INPP5D: variants seen among roughly 807,000 people sequenced by gnomAD.
INPP5D encodes phosphatidylinositol 3,4,5-trisphosphate 5-phosphatase 1.
INPP5D carries 33 observed loss-of-function variants against 122.9 expected under a neutral mutation model. That is an observed-to-expected ratio of 0.27 (90% CI 0.20 to 0.36). The LOEUF is 0.36. Ranked by LOEUF, INPP5D falls within the 10% of genes least tolerant of loss-of-function variation. INPP5D has a pLI of 1.00. For synonymous variants in INPP5D, 584 were observed against 576.2 expected (o/e 1.01, Z -0.19); for missense variants, 1,053 against 1,412.7 (o/e 0.75, Z 4.08).
At chr2:233,071,883 GT>G (rs1691391585) in intron 1 of INPP5D, among the ~76,000 whole-genome samples, 1 of 152,036 alleles carries the variant, frequency 6.6e-6, no homozygotes, top group South Asian at 2.1e-4. Context: ...ATTTCAAATT[GT>G]TTTTTGGTTG....
In INPP5D at chr2:233,206,533, AC is replaced by A. The variant is rs1440052039; in HGVS notation, c.3568-172del. 1.3e-5 allele frequency among the ~76,000 whole-genome samples: 2 copies of A among 152,154 alleles called. No individual in the cohort carries two copies. Among genetic ancestry groups the A allele is most frequent in the Non-Finnish European group, 1.5e-5 (1 of 68,014 alleles). On this transcript the variant is annotated intron_variant, in intron 26 of 26. Transcript: ENST00000445964. This position sits in a 1 kb window ranked among gnomAD's most constrained non-coding sequence, Gnocchi z 4.0. ...CAGAGTAAGACCCCATTTCTAAAAA[AC>A]AATTTTTTTAAATAAGCAGGTAAAG...
rs377044667 is a variant in INPP5D, at chr2:233,093,764, C to T, written c.198+14366C>T. ...GTTAGAGATGGTAGAGATGGACAGT[C>T]TTCAATTTTGGGGTGAAAAGATTTG... On this transcript the variant is annotated intron_variant, in intron 2 of 26. Transcript: ENST00000445964. Among the ~76,000 whole-genome samples the T allele has an allele frequency of 5.9e-5, 9 of 151,976 alleles. No homozygotes were observed. In the East Asian group the frequency reaches 7.7e-4, roughly 13 times the overall value.
rs576089206 is a variant in INPP5D at position 233,126,812 on chromosome 2, C to T, written c.524+893C>T. Among the ~76,000 whole-genome samples, 162 of 151,926 alleles carry T rather than the reference C, an allele frequency of 1.1e-3. 1 individual carries two copies. Among genetic ancestry groups the T allele is most frequent in the Non-Finnish European group, 2.1e-3 (143 of 67,962 alleles). ...GCGGGCGCCTATAATCCCAGCTATT[C>T]GGGAGGCTGAGGGAGGAGAATAGCT... On this transcript the variant is annotated intron_variant, in intron 4 of 26. Coordinates refer to ENST00000445964, the MANE Select transcript of INPP5D (RefSeq NM_001017915.3).
At chr2:233,133,863 C>A in intron 5 of INPP5D, 2 of 413,138 alleles carry the variant, frequency 4.8e-6, no homozygotes, top group Non-Finnish European at 4.9e-6. Flanking sequence ...AGGAAGGTGG[C>A]TAGCAGGGGC....
chr2:233,195,521 G>C (rs1438970306), intron 24 of INPP5D, 26 bp downstream of exon 24: 1 of 1,574,938 alleles, frequency 6.3e-7, no homozygotes, highest in East Asian at 2.4e-5. Flanking sequence ...GGTGGGTGTT[G>C]GGGGGGGTGG....
At chr2:233,186,228 C>T (rs1332568995) in intron 21 of INPP5D, among the ~76,000 whole-genome samples, 2 of 152,150 alleles carry the variant, frequency 1.3e-5, no homozygotes, top group Non-Finnish European at 2.9e-5. Flanking sequence ...AACTCAGGTG[C>T]AGGGCCAAGC....
intron 18 of INPP5D, among the ~76,000 whole-genome samples, chr2:233,178,455 T>G (rs1005067550): frequency 2.0e-5 from 3 of 146,446 alleles, no homozygotes; most frequent in African/African-American, 7.7e-5. Flanking sequence ...AATTGTGGTA[T>G]TTTATTATTT....
chr2:233,141,912 T>A (rs1693638961), intron 6 of INPP5D, among the ~76,000 whole-genome samples: 1 of 152,240 alleles, frequency 6.6e-6, no homozygotes, highest in African/African-American at 2.4e-5. Flanking sequence ...ATTTGTATTT[T>A]ACTTGTGCAA....
intron 10 of INPP5D, among the ~76,000 whole-genome samples, chr2:233,159,514 A>G (rs1457704125): frequency 1.3e-5 from 2 of 148,682 alleles, no homozygotes; most frequent in African/African-American, 2.5e-5. Flanking sequence ...CCTGTGCAAG[A>G]TGGTGAGACC....
intron 25 of INPP5D, among the ~76,000 whole-genome samples, chr2:233,200,868 C>G (rs759377733): frequency 3.3e-5 from 5 of 151,794 alleles, no homozygotes; most frequent in Non-Finnish European, 7.4e-5. Flanking sequence ...CTCTGAGACA[C>G]GAGAATCGCT....
At chr2:233,127,351 G>A (rs149964745) in intron 4 of INPP5D, among the ~76,000 whole-genome samples, 241 of 152,334 alleles carry the variant, frequency 1.6e-3, no homozygotes, top group African/African-American at 4.5e-3. Flanking sequence ...ACACAGAGCC[G>A]CCCTCCATTC....
At chr2:233,146,803 G>A (rs1441839206) in intron 8 of INPP5D, among the ~76,000 whole-genome samples, 1 of 152,120 alleles carries the variant, frequency 6.6e-6, no homozygotes, top group Non-Finnish European at 1.5e-5. Flanking sequence ...TGCGATTCCT[G>A]TGATTTCCAT....
chr2:233,184,282 C>T (rs1338133432), intron 19 of INPP5D, 126 bp from the exon 20 acceptor site: 19 of 1,351,002 alleles, frequency 1.4e-5, no homozygotes, highest in Non-Finnish European at 1.9e-5. Flanking sequence ...TTTAGTTCTC[C>T]TCCCACTAGA....
intron 17 of INPP5D, chr2:233,171,371 TC>T: frequency 3.6e-6 from 2 of 550,764 alleles, no homozygotes; most frequent in Non-Finnish European, 5.9e-6. Flanking sequence ...TTACCTTCTG[TC>T]CAGATACTCT....
chr2:233,094,216 G>A (rs1692068514), intron 2 of INPP5D, among the ~76,000 whole-genome samples: 1 of 151,912 alleles, frequency 6.6e-6, no homozygotes, highest in Non-Finnish European at 1.5e-5. Context: ...TTATCCCGAT[G>A]TTTAAAAACT....
In INPP5D at chr2:233,204,213, G is replaced by C. The variant is rs753276363; in HGVS notation, c.3063G>C (p.Leu1021=). The change falls in exon 26 of 27, where the codon CTG becomes CTC. Residue 1021 remains leucine, a synonymous_variant. Coordinates refer to ENST00000445964, the MANE Select transcript of INPP5D (RefSeq NM_001017915.3). ...LTKPEMFENP[L]YGSLSSFPKP... is the part of the protein sequence containing the mutation. ...AGCCCGAGATGTTTGAGAACCCCCT[G>C]TATGGGTCCCTGAGTTCCTTCCCTA... The C allele has an allele frequency of 6.2e-7, 1 of 1,613,318 alleles. No homozygotes were observed. The highest frequency in any genetic ancestry group is 8.5e-7 in the Non-Finnish European group (1 of 1,179,740).
At chr2:233,171,248 G>T in intron 17 of INPP5D, 96 bp downstream of exon 17, 1 of 1,469,428 alleles carries the variant, frequency 6.8e-7, no homozygotes. Flanking sequence ...CATCCATTAG[G>T]CAAAAAAAAA....
chr2:233,096,420 G>A (rs1692141843), intron 2 of INPP5D, among the ~76,000 whole-genome samples: 2 of 152,358 alleles, frequency 1.3e-5, no homozygotes, highest in Middle Eastern at 3.4e-3. Context: ...GGAAGGCAGA[G>A]CTGGGCGGAT....
intron 1 of INPP5D, among the ~76,000 whole-genome samples, chr2:233,074,381 A>G (rs1433369292): frequency 1.3e-5 from 2 of 152,144 alleles, no homozygotes; most frequent in Non-Finnish European, 2.9e-5. Flanking sequence ...GCTCCCAATA[A>G]TACTCGGCCA....
Sources: gnomAD v4.1 joint callset for allele counts (sites outside exome capture counted in the v4.1 genomes callset) on GRCh38, gnomAD v4.1.1 for gene constraint, Gnocchi (gnomAD v3.1) non-coding constraint, MANE v1.5 for transcripts, NCBI Gene and HGNC (gene_info 2026-07-23, HGNC 2026-07-21) for gene names.